DMXL1: variants seen among roughly 807,000 people sequenced by gnomAD.
The protein encoded by DMXL1 is Dmx like 1.
In DMXL1, 99 loss-of-function variants were observed where a neutral mutation model predicts 319.2. The ratio of observed to expected loss-of-function variants is 0.31; its 90% CI spans 0.26 to 0.37. The LOEUF is 0.37. DMXL1 is among the 10% of genes least tolerant of loss of function. The pLI is 1.00. For missense variants in DMXL1, 3,745 were observed against 3,595.6 expected, an observed-to-expected ratio of 1.04 and a Z score of -1.06; for synonymous variants, 1,385 against 1,235.2, an observed-to-expected ratio of 1.12 and a Z score of -2.54.
rs116242756 is a variant in DMXL1 at position 119,159,159 on chromosome 5, C to G, written c.4703-5348C>G. Reference sequence around the variant, plus strand: ...TTTTTTTTTTTCTTTGAGACAGAGTCTCGCTTCTGTCACCCAACGCTGGAG... The same window carrying G: ...TTTTTTTTTTTCTTTGAGACAGAGTGTCGCTTCTGTCACCCAACGCTGGAG... On this transcript the variant is annotated intron_variant, in intron 19 of 43. Coordinates refer to ENST00000539542, the MANE Select transcript of DMXL1 (RefSeq NM_001290321.3). Among the ~76,000 whole-genome samples, 754 of 151,618 alleles carry G rather than the reference C, an allele frequency of 5.0e-3. 3 individuals are homozygous for G. The highest frequency in any genetic ancestry group is 0.017 in the African/African-American group (709 of 41,316).
At chr5:119,168,780 C>T (rs1773952792) in intron 23 of DMXL1, among the ~76,000 whole-genome samples, 1 of 152,112 alleles carries the variant, frequency 6.6e-6, no homozygotes, top group African/African-American at 2.4e-5. Flanking sequence ...TCTCAAACAC[C>T]TGGCATCTAG....
Position 119,178,212 on chromosome 5 carries a change from G to C in DMXL1, c.7103G>C (p.Ser2368Thr). The change falls in exon 28 of 44, where the codon AGC becomes ACC. Residue 2368 changes from serine to threonine, a missense_variant. By Grantham distance (58) the Ser-to-Thr change is moderately conservative. Transcript: ENST00000539542. ...TTTGGTGGAGGTGCACATGTTCCTAGCAAAGAACAGACACATTCAAAAACT... is the reference window on the plus strand; with the variant it reads ...TTTGGTGGAGGTGCACATGTTCCTACCAAAGAACAGACACATTCAAAAACT... The part of the protein sequence containing the change: ...AVFGGGAHVP[S>T]KEQTHSKTLP... The C allele has an allele frequency of 6.2e-7, 1 of 1,613,746 alleles. No individual in the cohort carries two copies. The highest frequency in any genetic ancestry group is 8.5e-7 in the Non-Finnish European group (1 of 1,179,712).
intron 19 of DMXL1, among the ~76,000 whole-genome samples, chr5:119,153,270 G>A (rs922716445): frequency 6.6e-6 from 1 of 152,140 alleles, no homozygotes; most frequent in African/African-American, 2.4e-5. Flanking sequence ...GAGCCATCTT[G>A]CCAGGCCAAA....
At position 119,205,118 on chromosome 5, in the gene DMXL1, C is replaced by G. The variant is rs144187069; in HGVS notation, c.7863+1682C>G. On this transcript the variant is annotated intron_variant, in intron 33 of 43. Transcript: ENST00000539542. ...CCTTGGTGTAATATTGAAATTTAGA[C>G]AAACATGAATGTATTTCATTTGTTT... Among the ~76,000 whole-genome samples the G allele has an allele frequency of 2.9e-3, 434 of 152,156 alleles. 5 individuals carry two copies. The highest frequency in any genetic ancestry group is 9.3e-3 in the African/African-American group (386 of 41,512).
At chr5:119,102,913 G>A (rs1032653101) in intron 3 of DMXL1, among the ~76,000 whole-genome samples, 4 of 152,082 alleles carry the variant, frequency 2.6e-5, no homozygotes, top group African/African-American at 9.7e-5. Flanking sequence ...CAGACACTGA[G>A]GTCTACTTGA....
intron 17 of DMXL1, 82 bp downstream of exon 17, chr5:119,147,552 C>G: frequency 1.1e-6 from 1 of 878,156 alleles, no homozygotes; most frequent in South Asian, 1.6e-5. Flanking sequence ...CTGCAACTAT[C>G]TCTTAAATCC....
At chr5:119,129,567 A>C in intron 10 of DMXL1, 144 bp downstream of exon 10, 2 of 621,310 alleles carry the variant, frequency 3.2e-6, no homozygotes, top group African/African-American at 1.8e-5. Context: ...TAATAATCTA[A>C]TGTAGATATT....
intron 8 of DMXL1, 148 bp downstream of exon 8, chr5:119,119,152 T>C (rs1761483344): frequency 1.9e-6 from 1 of 519,302 alleles, no homozygotes; most frequent in Non-Finnish European, 3.2e-6. Flanking sequence ...AAAAAACATA[T>C]TTTTATCTAG....
rs1344609193 is a variant in DMXL1 at position 119,133,342 on chromosome 5, A to T, written c.1526A>T (p.Asp509Val). The T allele has an allele frequency of 6.2e-7, 1 of 1,613,758 alleles. No individual in the cohort carries two copies. Among genetic ancestry groups the T allele is most frequent in the East Asian group, 2.2e-5 (1 of 44,872 alleles). ...MDGSLLVWHV[D>V]WLDEYQPGMF... is the part of the protein sequence containing the mutation. ...GGTTCTTTGCTAGTTTGGCATGTGG[A>T]TTGGCTGGATGAATACCAGCCTGGT... Residue 509 changes from aspartate (D) to valine (V), a missense_variant, in exon 11 of 44, where the codon GAT becomes GTT. Asp to Val is a radical substitution (Grantham distance 152, BLOSUM62 -3). This residue lies in a region of DMXL1 where 2,096 missense variants were observed against 1,985.4 expected (regional missense o/e 1.06). Transcript: ENST00000539542.
chr5:119,077,518 C>A (rs1196109792), intron 1 of DMXL1, among the ~76,000 whole-genome samples: 1 of 112,136 alleles, frequency 8.9e-6, no homozygotes, highest in African/African-American at 3.4e-5. Flanking sequence ...GACAGGGTCT[C>A]ACTCTGTCAC....
intron 9 of DMXL1, among the ~76,000 whole-genome samples, chr5:119,121,886 A>G (rs931324431): frequency 6.8e-6 from 1 of 147,214 alleles, no homozygotes; most frequent in African/African-American, 2.5e-5. Context: ...CACCTCCTGG[A>G]CGGGGCGGCT....
intron 34 of DMXL1, among the ~76,000 whole-genome samples, chr5:119,208,128 A>G (rs1782073237): frequency 6.6e-6 from 1 of 151,926 alleles, no homozygotes; most frequent in African/African-American, 2.4e-5. Flanking sequence ...TTGAGGGAAT[A>G]TAATTCAAAC....
At chr5:119,228,695 A>G (rs933639774) in intron 38 of DMXL1, among the ~76,000 whole-genome samples, 2 of 152,146 alleles carry the variant, frequency 1.3e-5, no homozygotes, top group African/African-American at 4.8e-5. Flanking sequence ...GAAACTCGCA[A>G]AGTTAGAGTG....
At chr5:119,223,869 A>T (rs1428756533) in intron 37 of DMXL1, among the ~76,000 whole-genome samples, 1 of 152,186 alleles carries the variant, frequency 6.6e-6, no homozygotes, top group East Asian at 1.9e-4. Flanking sequence ...AGTTTACTAA[A>T]CAGAAGTCAT....
chr5:119,132,822 T>C (rs1344891693), intron 10 of DMXL1: 7 of 545,038 alleles, frequency 1.3e-5, no homozygotes, highest in Non-Finnish European at 1.8e-5. Flanking sequence ...ATGATACTTT[T>C]ATTTTTTGAA....
chr5:119,247,695 C>T lies in DMXL1; in HGVS notation c.*476C>T. ...GAGTAAGAATGAAAAAAATAATGAA[C>T]ATCTTCATTAAAATTGTCATTGAGA... On this transcript the variant is annotated 3_prime_UTR_variant, in exon 44 of 44. Transcript: ENST00000539542. 6.6e-6 allele frequency: 1 copy of T among 152,572 alleles called. No homozygotes were observed. Among genetic ancestry groups the T allele is most frequent in the East Asian group, 1.9e-4 (1 of 5,210 alleles). The allele number at this position is 152,572 out of a possible 1,614,324, so 9.5% of individuals were successfully genotyped here. A position where few individuals can be genotyped will look rare whatever the true frequency, so the allele number is the denominator to read the frequency against.
At chr5:119,182,952 T>C (rs1180782147) in intron 28 of DMXL1, among the ~76,000 whole-genome samples, 1 of 152,190 alleles carries the variant, frequency 6.6e-6, no homozygotes, top group Non-Finnish European at 1.5e-5. Context: ...AATAAAGCAG[T>C]GTTTTTAAGA....
chr5:119,122,523 G>A lies in DMXL1; in HGVS notation c.1102+1384G>A, dbSNP rs866128047. Among the ~76,000 whole-genome samples the A allele has an allele frequency of 2.0e-4, 30 of 150,466 alleles. 1 individual carries two copies. Among genetic ancestry groups the A allele is most frequent in the Middle Eastern group, 3.5e-3 (1 of 284 alleles). ...TTCCCAGACGGGGTGGCTGCCGGGC[G>A]GAGAGGCTCCTCACTTCTCAGATGG... On this transcript the variant is annotated intron_variant, in intron 9 of 43. Coordinates refer to ENST00000539542, the MANE Select transcript of DMXL1 (RefSeq NM_001290321.3).
intron 28 of DMXL1, among the ~76,000 whole-genome samples, chr5:119,186,509 C>T (rs145650652): frequency 4.6e-5 from 7 of 152,266 alleles, no homozygotes; most frequent in Non-Finnish European, 8.8e-5. Context: ...AAAGAAATGA[C>T]ATTTAAATCT....
Sources: allele counts gnomAD v4.1 joint callset (sites outside exome capture counted in the v4.1 genomes callset), GRCh38; gene constraint gnomAD v4.1.1; regional missense constraint gnomAD v4.1.1; transcripts MANE v1.5; gene names NCBI Gene and HGNC (gene_info 2026-07-23, HGNC 2026-07-21).